PLXNA1: variants seen among roughly 807,000 people sequenced by gnomAD.
PLXNA1 encodes plexin-A1.
PLXNA1 carries 77 observed loss-of-function variants against 191.7 expected under a neutral mutation model. That is an observed-to-expected ratio of 0.40 (90% CI 0.33 to 0.49). The LOEUF (loss-of-function observed/expected upper bound fraction) is 0.49, where lower values mean the gene tolerates loss of function less well. Among genes scored for constraint, PLXNA1 ranks in the 20% least tolerant of loss-of-function variants. The pLI is 0.63. For missense variants in PLXNA1, 2,110 were observed against 2,660.2 expected (o/e 0.79, Z 4.55); for synonymous variants, 1,137 against 1,156.4 (o/e 0.98, Z 0.34).
In PLXNA1 at chr3:127,037,255, G is replaced by GA. The variant is rs1268136693; in HGVS notation, c.*3240dup. On this transcript the variant is annotated 3_prime_UTR_variant, in exon 32 of 32. Transcript: ENST00000393409. ...GGCACCCTCAGCCGGGCTCTTTGCA[G>GA]AAGCAGCACCGCTGACTGTGGGCCC... The GA allele has an allele frequency of 6.5e-6, 1 of 152,774 alleles. No individual in the cohort carries two copies. Among genetic ancestry groups the GA allele is most frequent in the East Asian group, 1.9e-4 (1 of 5,192 alleles). The allele number at this position is 152,774 out of a possible 1,614,324, so 9.5% of individuals were successfully genotyped here.
At chr3:127,032,908 C>T in intron 31 of PLXNA1, 72 bp downstream of exon 31, 1 of 1,481,470 alleles carries the variant, frequency 6.8e-7, no homozygotes, top group Non-Finnish European at 9.2e-7. Flanking sequence ...CCTGCTCTGC[C>T]CCGCCCTGCC....
At chr3:126,998,877 G>A (rs114083622) in intron 3 of PLXNA1, among the ~76,000 whole-genome samples, 4,011 of 152,294 alleles carry the variant, frequency 0.026, 83 homozygotes, top group Middle Eastern at 0.041. Context: ...TCTCTCCCCC[G>A]ACAGGTGTGT....
At position 127,012,085 on chromosome 3, in the gene PLXNA1, A is replaced by C; in HGVS notation, c.2240A>C (p.His747Pro). The C allele has an allele frequency of 6.2e-7, 1 of 1,613,648 alleles. No homozygotes were observed. Residue 747 changes from histidine to proline, a missense_variant, in exon 10 of 32, where the codon CAC becomes CCC. His to Pro is a moderately conservative substitution (Grantham distance 77). Coordinates refer to ENST00000393409, the MANE Select transcript of PLXNA1 (RefSeq NM_032242.4). ...SGQRGYECLF[H>P]IPGSPARVTA... ...CAGCGTGGATATGAGTGCCTCTTCC[A>C]CATCCCGGGCAGCCCGGCCCGTGTC...
rs1204647586 is a variant in PLXNA1, at chr3:127,004,641, C to T, written c.1549C>T (p.Gln517Ter). Residue 517 changes from glutamine (Q) to a stop codon, truncating the protein, a stop_gained, in exon 5 of 32, where the codon CAG (glutamine) becomes TAG (stop). Transcript: ENST00000393409. LOFTEE classifies it high-confidence loss of function. ...VTRVPVESCV[Q>*]YTSCELCLGS... Reference sequence around the variant, plus strand: ...GCGGGTGCCTGTGGAGAGCTGTGTGCAGTACACGTCCTGTGAGCTGTGTCT... The same window carrying T: ...GCGGGTGCCTGTGGAGAGCTGTGTGTAGTACACGTCCTGTGAGCTGTGTCT... The T allele has an allele frequency of 2.5e-6, 4 of 1,581,534 alleles. No homozygotes were observed. Among genetic ancestry groups the T allele is most frequent in the Non-Finnish European group, 3.4e-6 (4 of 1,163,868 alleles).
chr3:126,988,027 C>G (rs1433560960), intron 1 of PLXNA1, among the ~76,000 whole-genome samples: 6 of 152,146 alleles, frequency 3.9e-5, no homozygotes, highest in African/African-American at 1.4e-4. Context: ...CACTAAAGCC[C>G]ATCTATGTCA....
rs150096082 is a variant in PLXNA1, at chr3:127,024,380, G to A, written c.4362+1562G>A. On this transcript the variant is annotated intron_variant, in intron 23 of 31. Coordinates refer to ENST00000393409, the MANE Select transcript of PLXNA1 (RefSeq NM_032242.4). ...ACTGTGGAGGGGTTGTCTTTAGGCC[G>A]GATCAGACATTCCATGGAGAGCCGG... Among the ~76,000 whole-genome samples the A allele has an allele frequency of 7.7e-3, 1,172 of 152,302 alleles. 6 individuals carry two copies. Among genetic ancestry groups the A allele is most frequent in the Non-Finnish European group, 0.013 (864 of 68,020 alleles).
rs1369386684 is a variant in PLXNA1, at chr3:127,011,958, G to T, written c.2113G>T (p.Asp705Tyr). ...TCAGCCAAACTCTTCTTATCCCCAG[G>T]ACTGCCCACAGATCCTGCCCTCCAC... ...FLEGRVNVSE[D>Y]CPQILPSTQI... is the part of the protein sequence containing the mutation. The change falls in exon 10 of 32, where the codon GAC becomes TAC. Residue 705 changes from aspartate to tyrosine, a missense_variant and splice_region_variant. Asp to Tyr is a radical substitution (Grantham distance 160). Coordinates refer to ENST00000393409, the MANE Select transcript of PLXNA1 (RefSeq NM_032242.4). The T allele has an allele frequency of 1.9e-6, 3 of 1,612,472 alleles. No individual in the cohort carries two copies. The highest frequency in any genetic ancestry group is 2.5e-6 in the Non-Finnish European group (3 of 1,178,944).
Position 127,015,336 on chromosome 3 carries a change from G to C in PLXNA1, c.3014+16G>C, listed in dbSNP as rs374875401. On this transcript the variant is annotated intron_variant, in intron 15 of 31. Coordinates refer to ENST00000393409, the MANE Select transcript of PLXNA1 (RefSeq NM_032242.4). ...CCTTCTCCTGGTACGGGGTGCAGGTGGGGGTGGGGGCCTGGCTGCCCCTCC... is the reference window on the plus strand; with the variant it reads ...CCTTCTCCTGGTACGGGGTGCAGGTCGGGGTGGGGGCCTGGCTGCCCCTCC... 1.5e-4 allele frequency: 240 copies of C among 1,587,978 alleles called. No homozygotes were observed. The African/African-American group carries it at 3.1e-3, about 20-fold the overall frequency.
intron 3 of PLXNA1, among the ~76,000 whole-genome samples, chr3:126,997,002 C>T (rs2079017967): frequency 6.6e-6 from 1 of 152,218 alleles, no homozygotes; most frequent in Non-Finnish European, 1.5e-5. Context: ...TGGTCCTTCC[C>T]TTCCCAGGGT....
At position 127,037,282 on chromosome 3, in the gene PLXNA1, G is replaced by A. The variant is rs1406030982; in HGVS notation, c.*3265G>A. 1 of 152,626 alleles carries A rather than the reference G, an allele frequency of 6.6e-6. No individual in the cohort carries two copies. The highest frequency in any genetic ancestry group is 2.4e-5 in the African/African-American group (1 of 41,456). The allele number at this position is 152,626 out of a possible 1,614,324, so 9.5% of individuals were successfully genotyped here. ...AGCAGCACCGCTGACTGTGGGCCCG[G>A]CCCTCAGATGTGTACATATACGGCT... is the stretch of plus-strand genomic sequence containing the variant. On this transcript the variant is annotated 3_prime_UTR_variant, in exon 32 of 32. Coordinates refer to ENST00000393409, the MANE Select transcript of PLXNA1 (RefSeq NM_032242.4).
In PLXNA1 at chr3:127,024,746, C is replaced by T. The variant is rs1486215308; in HGVS notation, c.4362+1928C>T. On this transcript the variant is annotated intron_variant, in intron 23 of 31. Coordinates refer to ENST00000393409, the MANE Select transcript of PLXNA1 (RefSeq NM_032242.4). ...GGAGGACACGTACTGGGCGCAAGGA[C>T]ATGGCCTGAGGCTGAGAGGCGCAGA... 1.4e-4 allele frequency among the ~76,000 whole-genome samples: 22 copies of T among 152,152 alleles called. 1 individual carries two copies. The highest frequency in any genetic ancestry group is 1.4e-3 in the Admixed American group (22 of 15,284).
In PLXNA1 at chr3:127,005,214, G is replaced by C; in HGVS notation, c.1868G>C (p.Arg623Pro). The change falls in exon 7 of 32, where the codon CGG becomes CCG. Residue 623 changes from arginine to proline, a missense_variant. Physicochemically the swap from Arg to Pro is moderately radical, Grantham distance 103. Around this residue, in one of 4 missense-constraint regions of PLXNA1, gnomAD observed 903 missense variants for 1,015.7 expected, o/e 0.89. Coordinates refer to ENST00000393409, the MANE Select transcript of PLXNA1 (RefSeq NM_032242.4). Reference sequence around the variant, plus strand: ...ATCCACTGCCGCTCACCCTCCGCCCGGGAGGTGGCGCCCATCACGCGGGGC... The same window carrying C: ...ATCCACTGCCGCTCACCCTCCGCCCCGGAGGTGGCGCCCATCACGCGGGGC... ...GRIHCRSPSAREVAPITRGQG... is the reference protein window; with the variant it reads ...GRIHCRSPSAPEVAPITRGQG... The C allele has an allele frequency of 6.2e-7, 1 of 1,610,682 alleles. No individual in the cohort carries two copies. Among genetic ancestry groups the C allele is most frequent in the Non-Finnish European group, 8.5e-7 (1 of 1,179,148 alleles).
chr3:126,996,238 T>C (rs1182487437), intron 3 of PLXNA1, among the ~76,000 whole-genome samples: 6 of 152,120 alleles, frequency 3.9e-5, no homozygotes, highest in African/African-American at 1.4e-4. Context: ...GGAGGTGTCC[T>C]CCGCCCGGCC....
chr3:127,036,543 G>A lies in PLXNA1; in HGVS notation c.*2526G>A, dbSNP rs753305909. The A allele has an allele frequency of 1.3e-5, 2 of 152,516 alleles. No homozygotes were observed. Among genetic ancestry groups the A allele is most frequent in the East Asian group, 1.9e-4 (1 of 5,196 alleles). The allele number at this position is 152,516 out of a possible 1,614,324, so 9.4% of individuals were successfully genotyped here. ...GCTGTCTACTGGGACAGCAGTCTCCGAGCTACTCCGTACCTCCCTCTGCCA... is the reference window on the plus strand; with the variant it reads ...GCTGTCTACTGGGACAGCAGTCTCCAAGCTACTCCGTACCTCCCTCTGCCA... On this transcript the variant is annotated 3_prime_UTR_variant, in exon 32 of 32. Coordinates refer to ENST00000393409, the MANE Select transcript of PLXNA1 (RefSeq NM_032242.4).
chr3:126,996,874 C>T (rs1385960577), intron 3 of PLXNA1, among the ~76,000 whole-genome samples: 1 of 152,194 alleles, frequency 6.6e-6, no homozygotes, highest in Non-Finnish European at 1.5e-5. Context: ...CAGGAGGGTC[C>T]TGTGCCCTGC....
In PLXNA1 at chr3:127,030,990, G is replaced by A. The variant is rs542723846; in HGVS notation, c.5231+578G>A. On this transcript the variant is annotated intron_variant, in intron 29 of 31. Coordinates refer to ENST00000393409, the MANE Select transcript of PLXNA1 (RefSeq NM_032242.4). ...CTGGGGCTCTATGAGGCTGGGTTTTGTTATGAAGAGGCACCCAGCCTCTGA... is the reference window on the plus strand; with the variant it reads ...CTGGGGCTCTATGAGGCTGGGTTTTATTATGAAGAGGCACCCAGCCTCTGA... Among the ~76,000 whole-genome samples, 16 of 152,290 alleles carry A rather than the reference G, an allele frequency of 1.1e-4. No individual in the cohort carries two copies. The South Asian group carries it at 3.1e-3, about 30-fold the overall frequency.
chr3:127,004,161 C>T (rs746896497), intron 4 of PLXNA1, among the ~76,000 whole-genome samples: 5 of 152,226 alleles, frequency 3.3e-5, no homozygotes, highest in Admixed American at 6.5e-5. Context: ...ACCTCAGGGA[C>T]GTGCCTCCGT....
rs1300821676 is a variant in PLXNA1 at position 126,989,184 on chromosome 3, C to T, written c.591C>T (p.Tyr197=). 1 of 1,613,568 alleles carries T rather than the reference C, an allele frequency of 6.2e-7. No homozygotes were observed. Among genetic ancestry groups the T allele is most frequent in the Non-Finnish European group, 8.5e-7 (1 of 1,180,054 alleles). ...VGTPIDGKSE[Y]FPTLSSRRLM... is the part of the protein sequence containing the mutation. ...CACCCATCGATGGCAAGTCCGAGTA[C>T]TTCCCCACACTGTCCAGCCGTCGGC... Residue 197 remains tyrosine (Y), a synonymous_variant, in exon 2 of 32, where the codon TAC becomes TAT. Coordinates refer to ENST00000393409, the MANE Select transcript of PLXNA1 (RefSeq NM_032242.4).
intron 29 of PLXNA1, among the ~76,000 whole-genome samples, chr3:127,030,809 G>A (rs1355633551): frequency 6.6e-6 from 1 of 152,152 alleles, no homozygotes; most frequent in African/African-American, 2.4e-5. Flanking sequence ...TCTTTAGTGC[G>A]AGGAATTTAC....
Sources: allele counts gnomAD v4.1 joint callset (sites outside exome capture counted in the v4.1 genomes callset), GRCh38; gene constraint gnomAD v4.1.1; regional missense constraint gnomAD v4.1.1; transcripts MANE v1.5; gene names NCBI Gene and HGNC (gene_info 2026-07-23, HGNC 2026-07-21).